The following MS4A4E variants were observed in gnomAD, a reference collection of about 807,000 sequenced individuals.
The protein encoded by MS4A4E is membrane spanning 4-domains A4E.
MS4A4E carries 23 observed loss-of-function variants against 13.3 expected under a neutral mutation model. That is an observed-to-expected ratio of 1.73 (90% CI 1.25 to 2.45). The LOEUF (loss-of-function observed/expected upper bound fraction) is 2.45. MS4A4E is among the 30% of genes most tolerant of loss of function. The probability of loss-of-function intolerance (pLI) is 0.00; values close to 1 mark genes in which losing one functional copy is unlikely to be tolerated. For synonymous variants in MS4A4E, 36 were observed against 45.6 expected, an observed-to-expected ratio of 0.79 and a Z score of 0.85; for missense variants, 144 against 131.2, an observed-to-expected ratio of 1.10 and a Z score of -0.48.
chr11:60,225,005 A>AT, intron 3 of MS4A4E: 1 of 1,543,598 alleles, frequency 6.5e-7, no homozygotes, highest in Non-Finnish European at 8.7e-7. Flanking sequence ...ATACACAAAA[A>AT]TGGGATGTTC....
intron 1 of MS4A4E, among the ~76,000 whole-genome samples, chr11:60,239,517 T>C (rs1273538408): frequency 6.6e-6 from 1 of 152,204 alleles, no homozygotes; most frequent in Non-Finnish European, 1.5e-5. Flanking sequence ...GGGGTCTATA[T>C]AACTGGTGAG....
At chr11:60,239,292 A>C (rs650943) in intron 1 of MS4A4E, among the ~76,000 whole-genome samples, 60,979 of 152,156 alleles carry the variant, frequency 0.4, 12,685 homozygotes, top group East Asian at 0.42. Flanking sequence ...GTAAACATTT[A>C]AACCAGTTCA....
chr11:60,221,281 T>A (rs1405745454), intron 3 of MS4A4E, among the ~76,000 whole-genome samples: 5 of 152,144 alleles, frequency 3.3e-5, no homozygotes, highest in African/African-American at 4.8e-5. Flanking sequence ...CACAGCAGCA[T>A]TCCATCATCA....
chr11:60,213,381 G>A, intron 4 of MS4A4E: 3 of 1,351,794 alleles, frequency 2.2e-6, no homozygotes, highest in Non-Finnish European at 3.0e-6. Context: ...GGTTTTCAAT[G>A]ATTTTTTACA....
chr11:60,228,347 C>G (rs2084368515), intron 3 of MS4A4E, among the ~76,000 whole-genome samples: 1 of 151,840 alleles, frequency 6.6e-6, no homozygotes, highest in Non-Finnish European at 1.5e-5. Context: ...AAAAAGATGC[C>G]CCACATCTTA....
rs187878670 is a variant in MS4A4E, at chr11:60,201,935, G to A, written c.660-56C>T. ...CAAGTATACTGACTCTACCTGAATA[G>A]GTTGGACTACTTATAGTTAGAAGTT... On this transcript the variant is annotated intron_variant, in intron 8 of 8. Coordinates refer to ENST00000651255, the MANE Select transcript of MS4A4E (RefSeq NM_001393391.1). The A allele has an allele frequency of 2.0e-4, 32 of 157,666 alleles. No individual in the cohort carries two copies. In the East Asian group the frequency reaches 5.2e-3, roughly 26 times the overall value. The allele number at this position is 157,666 out of a possible 1,614,324, so 9.8% of individuals were successfully genotyped here. A position where few individuals can be genotyped will look rare whatever the true frequency, so the allele number is the denominator to read the frequency against.
chr11:60,212,175 G>A (rs916673580), intron 5 of MS4A4E, among the ~76,000 whole-genome samples: 1 of 152,112 alleles, frequency 6.6e-6, no homozygotes, highest in Non-Finnish European at 1.5e-5. Context: ...GAATTTTTCA[G>A]GTGCCACATG....
chr11:60,235,180 G>A (rs570703673), intron 1 of MS4A4E, among the ~76,000 whole-genome samples: 93 of 152,258 alleles, frequency 6.1e-4, no homozygotes, highest in Middle Eastern at 3.4e-3. Flanking sequence ...GTGCAGTGGC[G>A]TTATCATGAC....
In MS4A4E at chr11:60,201,519, T is replaced by G; in HGVS notation, c.*24A>C. 1 of 246,374 alleles carries G rather than the reference T, an allele frequency of 4.1e-6. No individual in the cohort carries two copies. The highest frequency in any genetic ancestry group is 3.2e-5 in the South Asian group (1 of 31,122). 15.3% of individuals were successfully genotyped at this position (246,374 alleles called of 1,614,324 possible). On this transcript the variant is annotated 3_prime_UTR_variant, in exon 9 of 9. Transcript: ENST00000651255. ...GCTCCTCACATCCCAGACAGGGCGG[T>G]GGGGCAAAGGCGCTCCCCACATCTC...
At chr11:60,222,141 A>G (rs1424331407) in intron 3 of MS4A4E, among the ~76,000 whole-genome samples, 1 of 152,220 alleles carries the variant, frequency 6.6e-6, no homozygotes, top group African/African-American at 2.4e-5. Flanking sequence ...CAAGTTGATT[A>G]TATTAGACCT....
chr11:60,204,328 C>G (rs1405770424), intron 8 of MS4A4E, among the ~76,000 whole-genome samples: 1 of 152,158 alleles, frequency 6.6e-6, no homozygotes, highest in Non-Finnish European at 1.5e-5. Flanking sequence ...TTGAGGTAAA[C>G]TTTGACTTGG....
At chr11:60,222,347 C>T (rs749647557) in intron 3 of MS4A4E, among the ~76,000 whole-genome samples, 7 of 152,152 alleles carry the variant, frequency 4.6e-5, no homozygotes, top group Non-Finnish European at 5.9e-5. Flanking sequence ...TAAAGAAATG[C>T]GGCAGTGGGC....
At chr11:60,218,487 A>T (rs973952952) in intron 3 of MS4A4E, among the ~76,000 whole-genome samples, 7 of 152,092 alleles carry the variant, frequency 4.6e-5, no homozygotes, top group Middle Eastern at 3.2e-3. Context: ...TCGACATGTG[A>T]TGTCTTCCCT....
At chr11:60,239,922 G>A (rs890212695) in intron 1 of MS4A4E, among the ~76,000 whole-genome samples, 2 of 152,092 alleles carry the variant, frequency 1.3e-5, no homozygotes, top group African/African-American at 4.8e-5. Context: ...CCCCCTCTGG[G>A]GTTAATTTTG....
chr11:60,216,675 C>T (rs933664611), intron 3 of MS4A4E, among the ~76,000 whole-genome samples: 2 of 151,512 alleles, frequency 1.3e-5, no homozygotes, highest in African/African-American at 4.9e-5. Context: ...ACAGTGTTTG[C>T]TGTCTGTTAT....
intron 3 of MS4A4E, among the ~76,000 whole-genome samples, chr11:60,220,246 A>G (rs2084252414): frequency 6.6e-6 from 1 of 152,228 alleles, no homozygotes; most frequent in Non-Finnish European, 1.5e-5. Flanking sequence ...TTGGAGAATG[A>G]CAGTGGATTA....
chr11:60,237,738 G>A lies in MS4A4E; in HGVS notation c.-17+5220C>T, dbSNP rs182949953. 2.9e-3 allele frequency among the ~76,000 whole-genome samples: 436 copies of A among 152,076 alleles called. 2 individuals carry two copies. The highest frequency in any genetic ancestry group is 4.8e-3 in the Non-Finnish European group (327 of 67,966). On this transcript the variant is annotated intron_variant, in intron 1 of 8. Transcript: ENST00000651255. ...GTATTTTTTCATATGACTGTTGGCC[G>A]CATGTACATCTTATTTTGAAGTGTC...
chr11:60,224,975 C>A (rs2134953682), intron 3 of MS4A4E: 1 of 1,522,292 alleles, frequency 6.6e-7, no homozygotes, highest in Non-Finnish European at 8.8e-7. Flanking sequence ...CATCACTGAC[C>A]CCCAAATTGT....
intron 1 of MS4A4E, among the ~76,000 whole-genome samples, chr11:60,232,100 T>C (rs2084417945): frequency 6.6e-6 from 1 of 151,874 alleles, no homozygotes; most frequent in Non-Finnish European, 1.5e-5. Context: ...GAAAATAGAA[T>C]TAGTCAACTG....
Sources: allele counts gnomAD v4.1 joint callset (sites outside exome capture counted in the v4.1 genomes callset), GRCh38; gene constraint gnomAD v4.1.1; transcripts MANE v1.5; gene names NCBI Gene and HGNC (gene_info 2026-07-23, HGNC 2026-07-21).